Variants in ATRN observed in about 807,000 individuals in gnomAD.
ATRN encodes the protein attractin.
A neutral mutation model predicts 178.7 loss-of-function variants in ATRN; 54 were observed. The observed-to-expected ratio is 0.30, with a 90% CI of 0.24 to 0.38. The LOEUF (loss-of-function observed/expected upper bound fraction) is 0.38. ATRN is among the 10% of genes least tolerant of loss of function. The probability of loss-of-function intolerance (pLI) is 1.00; values close to 1 mark genes in which losing one functional copy is unlikely to be tolerated. For missense variants in ATRN, 1,443 were observed against 1,815.1 expected, an observed-to-expected ratio of 0.79 and a Z score of 3.73; for synonymous variants, 636 against 663.0, an observed-to-expected ratio of 0.96 and a Z score of 0.63.
At chr20:3,576,719 A>G (rs757491143) in intron 13 of ATRN, 140 bp from the exon 14 acceptor site, 27 of 668,662 alleles carry the variant, frequency 4.0e-5, no homozygotes, top group Non-Finnish European at 6.4e-5. Context: ...CTATCTATCT[A>G]TCTATCTATC....
intron 1 of ATRN, among the ~76,000 whole-genome samples, chr20:3,505,475 T>C (rs2085030315): frequency 6.6e-6 from 1 of 152,236 alleles, no homozygotes; most frequent in South Asian, 2.1e-4. Flanking sequence ...TGTAATTGTG[T>C]GAGCCAATTT....
intron 6 of ATRN, among the ~76,000 whole-genome samples, chr20:3,550,356 A>C (rs1235796759): frequency 6.6e-6 from 1 of 152,146 alleles, no homozygotes; most frequent in Admixed American, 6.5e-5. Context: ...TACTAGTGCC[A>C]TGCTGTTACT....
intron 1 of ATRN, among the ~76,000 whole-genome samples, chr20:3,524,689 A>G (rs1463085096): frequency 6.6e-6 from 1 of 152,230 alleles, no homozygotes; most frequent in Non-Finnish European, 1.5e-5. Flanking sequence ...AGCAAATGCA[A>G]AAGAATAGAA....
chr20:3,607,078 A>G (rs182692189), intron 24 of ATRN, among the ~76,000 whole-genome samples: 1 of 152,026 alleles, frequency 6.6e-6, no homozygotes, highest in East Asian at 1.9e-4. Flanking sequence ...CTAGGTTTTT[A>G]TATCATGTTT....
rs1169190533 is a variant in ATRN, at chr20:3,584,806, A to G, written c.3110A>G (p.Tyr1037Cys). 1.2e-6 allele frequency: 2 copies of G among 1,614,222 alleles called. No individual in the cohort carries two copies. The highest frequency in any genetic ancestry group is 1.7e-6 in the Non-Finnish European group (2 of 1,180,028). ...TCGCAAGCCCCTACAGGAAATTTCT[A>G]TCCACAGCCCCTGCTCAATTCCAGC... ...MPSQAPTGNF[Y>C]PQPLLNSSMC... The change falls in exon 18 of 29, where the codon TAT becomes TGT. Residue 1037 changes from tyrosine to cysteine, a missense_variant. Around this residue, in one of 4 missense-constraint regions of ATRN, gnomAD observed 80 missense variants for 71.5 expected, o/e 1.12. Coordinates refer to ENST00000262919, the MANE Select transcript of ATRN (RefSeq NM_139321.3).
intron 24 of ATRN, among the ~76,000 whole-genome samples, chr20:3,609,297 C>T (rs964223041): frequency 2.0e-5 from 3 of 152,008 alleles, no homozygotes; most frequent in East Asian, 1.9e-4. Context: ...AAAAATCTAT[C>T]GAGAATGGGA....
At chr20:3,619,063 C>T (rs1444523075) in intron 24 of ATRN, among the ~76,000 whole-genome samples, 1 of 152,236 alleles carries the variant, frequency 6.6e-6, no homozygotes, top group East Asian at 1.9e-4. Flanking sequence ...CCGCTGGTCC[C>T]AGGGGGTCGT....
chr20:3,581,243 C>T lies in ATRN; in HGVS notation c.2545-892C>T, dbSNP rs143353639. ...CTCCAGCATGGGCAACAGAGCGAGA[C>T]CCTGTCTCAAAAGAAAGCAAAGGGA... On this transcript the variant is annotated intron_variant, in intron 15 of 28. Transcript: ENST00000262919. 1.8e-3 allele frequency among the ~76,000 whole-genome samples: 275 copies of T among 152,288 alleles called. 4 individuals carry two copies. The East Asian group carries it at 0.046, about 25-fold the overall frequency.
rs924349752 is a variant in ATRN at position 3,638,286 on chromosome 20, T to C, written c.3943-542T>C. On this transcript the variant is annotated intron_variant, in intron 26 of 28. Transcript: ENST00000262919. This position sits in a 1 kb window ranked among gnomAD's most constrained non-coding sequence, Gnocchi z 4.5. ...GTCCTAATGCTCTCCCTCCCCTTGC[T>C]CCCCACCCCTGACAGGCCCCAGTGT... Among the ~76,000 whole-genome samples, 11 of 152,156 alleles carry C rather than the reference T, an allele frequency of 7.2e-5. No homozygotes were observed. The South Asian group carries it at 1.0e-3, about 14-fold the overall frequency.
At chr20:3,571,410 G>A (rs1484802929) in intron 11 of ATRN, among the ~76,000 whole-genome samples, 1 of 152,164 alleles carries the variant, frequency 6.6e-6, no homozygotes, top group Non-Finnish European at 1.5e-5. Context: ...TTCTAGAAAT[G>A]TGATTTCAGG....
At chr20:3,637,960 A>C (rs1006954761) in intron 26 of ATRN, among the ~76,000 whole-genome samples, 4 of 152,248 alleles carry the variant, frequency 2.6e-5, no homozygotes, top group Admixed American at 2.6e-4. Flanking sequence ...AATGAGGCAT[A>C]GGTTTTTGTT....
intron 10 of ATRN, among the ~76,000 whole-genome samples, chr20:3,564,174 T>A (rs2085996207): frequency 6.6e-6 from 1 of 152,236 alleles, no homozygotes; most frequent in Non-Finnish European, 1.5e-5. Flanking sequence ...ATCAGATGAA[T>A]AACTTAAAGC....
At chr20:3,559,557 A>G (rs908987778) in intron 7 of ATRN, 74 bp downstream of exon 7, 4 of 1,251,278 alleles carry the variant, frequency 3.2e-6, no homozygotes, top group African/African-American at 1.5e-5. Context: ...CATAGTTGAA[A>G]AGCTACCTCA....
At chr20:3,525,203 A>G (rs967831123) in intron 1 of ATRN, among the ~76,000 whole-genome samples, 1 of 152,172 alleles carries the variant, frequency 6.6e-6, no homozygotes, top group African/African-American at 2.4e-5. Context: ...ACAATAAAAA[A>G]TGATAAAGGG....
intron 3 of ATRN, among the ~76,000 whole-genome samples, chr20:3,543,605 A>G (rs2085655803): frequency 6.6e-6 from 1 of 151,940 alleles, no homozygotes; most frequent in Non-Finnish European, 1.5e-5. Flanking sequence ...TGCGCCTGTA[A>G]TCCTAGCTAC....
Position 3,591,197 on chromosome 20 carries a change from C to T in ATRN, c.3213C>T (p.Cys1071=). The T allele has an allele frequency of 3.1e-6, 5 of 1,614,122 alleles. No homozygotes were observed. The highest frequency in any genetic ancestry group is 4.2e-6 in the Non-Finnish European group (5 of 1,179,974). ...GCCAATGCAACGGCCACAGTAAATG[C>T]ATCAATCAGAGCATCTGTGAGAAGT... ...PACQCNGHSK[C]INQSICEKCE... is the part of the protein sequence containing the mutation. Residue 1071 remains cysteine, a synonymous_variant, in exon 19 of 29, where the codon TGC becomes TGT. Coordinates refer to ENST00000262919, the MANE Select transcript of ATRN (RefSeq NM_139321.3).
At chr20:3,537,962 A>AT (rs1183535295) in intron 2 of ATRN, among the ~76,000 whole-genome samples, 3 of 121,424 alleles carry the variant, frequency 2.5e-5, no homozygotes, top group Non-Finnish European at 5.4e-5. Context: ...TTATTTTTTA[A>AT]TTTTTTTATT....
At position 3,597,908 on chromosome 20, in the gene ATRN, A is replaced by G. The variant is rs772639693; in HGVS notation, c.3472A>G (p.Thr1158Ala). The change falls in exon 22 of 29, where the codon ACT (threonine) becomes GCT (alanine). Residue 1158 changes from threonine (T) to alanine (A), a missense_variant and splice_region_variant. By Grantham distance (58) the Thr-to-Ala change is moderately conservative. Around this residue, in one of 4 missense-constraint regions of ATRN, gnomAD observed 289 missense variants for 440.8 expected, o/e 0.66. Coordinates refer to ENST00000262919, the MANE Select transcript of ATRN (RefSeq NM_139321.3). Reference sequence around the variant, plus strand: ...TATGCATTTCTTTCTTTCCATAGATACTCTTCTTATTGACTATCAGTTCAC... The same window carrying G: ...TATGCATTTCTTTCTTTCCATAGATGCTCTTCTTATTGACTATCAGTTCAC... ...GNPLRGTCYY[T>A]LLIDYQFTFS... is the part of the protein sequence containing the mutation. 9.5e-6 allele frequency: 15 copies of G among 1,579,434 alleles called. No homozygotes were observed. The highest frequency in any genetic ancestry group is 1.2e-5 in the Non-Finnish European group (14 of 1,150,128).
intron 1 of ATRN, among the ~76,000 whole-genome samples, chr20:3,499,421 T>G (rs2084925564): frequency 6.9e-6 from 1 of 144,508 alleles, no homozygotes; most frequent in Admixed American, 6.9e-5. Context: ...TCACACTACC[T>G]GACTTCAAAC....
Sources: allele counts gnomAD v4.1 joint callset (sites outside exome capture counted in the v4.1 genomes callset), GRCh38; gene constraint gnomAD v4.1.1; regional missense constraint gnomAD v4.1.1; non-coding constraint Gnocchi (gnomAD v3.1); transcripts MANE v1.5; gene names NCBI Gene and HGNC (gene_info 2026-07-23, HGNC 2026-07-21).